CNTN4: variants seen among roughly 807,000 people sequenced by gnomAD.
CNTN4 encodes the protein contactin 4, also known as contactin-4.
A neutral mutation model predicts 122.5 loss-of-function variants in CNTN4; 77 were observed. The ratio of observed to expected loss-of-function variants is 0.63; its 90% CI spans 0.52 to 0.76. The LOEUF (loss-of-function observed/expected upper bound fraction) is 0.76, where lower values mean the gene tolerates loss of function less well. Among genes scored for constraint, CNTN4 ranks in the 30% least tolerant of loss-of-function variants. The pLI is 0.00. For missense variants in CNTN4, 1,256 were observed against 1,259.1 expected (o/e 1.00, Z 0.04); for synonymous variants, 512 against 447.0 (o/e 1.15, Z -1.83).
At chr3:2,567,638 A>C (rs926470619) in intron 3 of CNTN4, among the ~76,000 whole-genome samples, 9 of 152,182 alleles carry the variant, frequency 5.9e-5, no homozygotes, top group African/African-American at 2.2e-4. Flanking sequence ...TGGACCACAC[A>C]GCTGGAGAGT....
At chr3:2,406,390 GA>G (rs751902742) in intron 3 of CNTN4, among the ~76,000 whole-genome samples, 2 of 152,110 alleles carry the variant, frequency 1.3e-5, no homozygotes, top group Non-Finnish European at 2.9e-5. Context: ...TAACATGAAG[GA>G]CACTCTATAA....
At chr3:2,686,924 G>T (rs754076961) in intron 4 of CNTN4, among the ~76,000 whole-genome samples, 4 of 152,198 alleles carry the variant, frequency 2.6e-5, no homozygotes, top group Non-Finnish European at 4.4e-5. Context: ...TGGTGTCCAA[G>T]TGGAGATGCT....
rs192331563 is a variant in CNTN4, at chr3:2,440,001, T to C, written c.-89+100768T>C. Among the ~76,000 whole-genome samples the C allele has an allele frequency of 3.8e-3, 575 of 152,294 alleles. 4 individuals carry two copies. The highest frequency in any genetic ancestry group is 3.5e-3 in the Non-Finnish European group (237 of 68,014). On this transcript the variant is annotated intron_variant, in intron 3 of 24. Transcript: ENST00000418658. Reference sequence around the variant, plus strand: ...GCTAGCAAAAGCCTCTGGCAATAAGTAAATGAGATTAACAAAGCCAAGGGA... The same window carrying C: ...GCTAGCAAAAGCCTCTGGCAATAAGCAAATGAGATTAACAAAGCCAAGGGA...
At position 2,358,603 on chromosome 3, in the gene CNTN4, G is replaced by T. The variant is rs542956444; in HGVS notation, c.-89+19370G>T. 5.3e-5 allele frequency among the ~76,000 whole-genome samples: 8 copies of T among 152,054 alleles called. No individual in the cohort carries two copies. The South Asian group carries it at 1.5e-3, about 28-fold the overall frequency. On this transcript the variant is annotated intron_variant, in intron 3 of 24. Coordinates refer to ENST00000418658, the MANE Select transcript of CNTN4 (RefSeq NM_175607.3). Reference sequence around the variant, plus strand: ...GAACCAATTAAAAATGATTTTAGATGATCTGCTATTTCATATTCCCCACAC... The same window carrying T: ...GAACCAATTAAAAATGATTTTAGATTATCTGCTATTTCATATTCCCCACAC...
chr3:2,334,324 A>T (rs1052635601), intron 2 of CNTN4, among the ~76,000 whole-genome samples: 2 of 151,972 alleles, frequency 1.3e-5, no homozygotes, highest in Non-Finnish European at 2.9e-5. Flanking sequence ...CATCTAGCTA[A>T]TTTTTTGTAT....
At chr3:2,364,798 A>G (rs2045307856) in intron 3 of CNTN4, among the ~76,000 whole-genome samples, 1 of 152,204 alleles carries the variant, frequency 6.6e-6, no homozygotes, top group Non-Finnish European at 1.5e-5. Flanking sequence ...TCTATTGTTA[A>G]AAAGAGACAC....
intron 4 of CNTN4, among the ~76,000 whole-genome samples, chr3:2,573,316 C>T (rs1049530603): frequency 6.6e-6 from 1 of 152,174 alleles, no homozygotes; most frequent in Non-Finnish European, 1.5e-5. Context: ...TTCACGTCTT[C>T]CCCGCTGCAT....
At position 2,679,491 on chromosome 3, in the gene CNTN4, T is replaced by G; in HGVS notation, c.56-56724T>G. On this transcript the variant is annotated intron_variant, in intron 4 of 24. Coordinates refer to ENST00000418658, the MANE Select transcript of CNTN4 (RefSeq NM_175607.3). ...CATTATGTGATGTCTCTGAGGGGCA[T>G]GGAAGTGTGATGATTATGGATGACA... Among the ~76,000 whole-genome samples the G allele has an allele frequency of 1.3e-5, 2 of 152,138 alleles. 1 individual carries two copies. Among genetic ancestry groups the G allele is most frequent in the East Asian group, 3.9e-4 (2 of 5,180 alleles).
chr3:2,835,475 A>C lies in CNTN4; in HGVS notation c.454+15894A>C, dbSNP rs571481483. On this transcript the variant is annotated intron_variant, in intron 7 of 24. Transcript: ENST00000418658. ...GTATTTTCTCTTTAAGCACTTCCAT[A>C]AATCCTATTTCAATTGTTTACATGT... Among the ~76,000 whole-genome samples the C allele has an allele frequency of 1.1e-3, 162 of 152,330 alleles. 2 individuals are homozygous for C. Among genetic ancestry groups the C allele is most frequent in the African/African-American group, 3.8e-3 (160 of 41,576 alleles).
intron 3 of CNTN4, among the ~76,000 whole-genome samples, chr3:2,476,626 T>C (rs146920505): frequency 3.8e-4 from 58 of 152,256 alleles, no homozygotes; most frequent in African/African-American, 1.2e-3. Flanking sequence ...AGACAGGAAG[T>C]AGAATAGTAG....
chr3:2,923,044 T>C (rs2094443543), intron 12 of CNTN4, among the ~76,000 whole-genome samples: 1 of 152,234 alleles, frequency 6.6e-6, no homozygotes, highest in South Asian at 2.1e-4. Context: ...TGTTTTCTGG[T>C]TTCTGTGTGT....
chr3:3,020,432 C>T (rs1201490425), intron 14 of CNTN4, among the ~76,000 whole-genome samples: 9 of 152,214 alleles, frequency 5.9e-5, no homozygotes, highest in Non-Finnish European at 1.2e-4. Context: ...TTCCGATGAG[C>T]TTCATGAAAG....
chr3:2,846,336 G>A (rs113620542), intron 7 of CNTN4, among the ~76,000 whole-genome samples: 12,735 of 152,092 alleles, frequency 0.084, 809 homozygotes, highest in African/African-American at 0.18. Flanking sequence ...TTTTATAAGG[G>A]GCTTTCCCCT....
chr3:2,201,803 C>G (rs1180567802), intron 2 of CNTN4, among the ~76,000 whole-genome samples: 4 of 152,078 alleles, frequency 2.6e-5, no homozygotes, highest in Non-Finnish European at 2.9e-5. Context: ...AGACTTTTCT[C>G]CCCGCTTCAG....
At chr3:2,617,855 A>C (rs2081832980) in intron 4 of CNTN4, among the ~76,000 whole-genome samples, 1 of 152,224 alleles carries the variant, frequency 6.6e-6, no homozygotes, top group South Asian at 2.1e-4. Context: ...ATTTTCAAAA[A>C]GTTGGAAATG....
chr3:2,996,009 A>G (rs1385668538), intron 14 of CNTN4, among the ~76,000 whole-genome samples: 1 of 152,178 alleles, frequency 6.6e-6, no homozygotes, highest in African/African-American at 2.4e-5. Flanking sequence ...TATTTAATAT[A>G]TTGTATGATT....
intron 10 of CNTN4, among the ~76,000 whole-genome samples, chr3:2,895,015 T>C (rs1162342972): frequency 6.6e-6 from 1 of 152,070 alleles, no homozygotes. Context: ...TTAATTTATT[T>C]TCGAGACAGG....
chr3:2,345,590 A>G (rs1385931329), intron 3 of CNTN4, among the ~76,000 whole-genome samples: 1 of 152,214 alleles, frequency 6.6e-6, no homozygotes, highest in African/African-American at 2.4e-5. Context: ...ATGCCAGAAC[A>G]TGTATTAGGA....
chr3:2,756,689 G>A (rs925527915), intron 6 of CNTN4, among the ~76,000 whole-genome samples: 6 of 152,148 alleles, frequency 3.9e-5, no homozygotes, highest in Non-Finnish European at 7.4e-5. Context: ...CCTCATAAGA[G>A]AGTGAGGAGA....
Sources: allele counts gnomAD v4.1 joint callset (sites outside exome capture counted in the v4.1 genomes callset), GRCh38; gene constraint gnomAD v4.1.1; transcripts MANE v1.5; gene names NCBI Gene and HGNC (gene_info 2026-07-23, HGNC 2026-07-21).